Variants in SLC12A1 observed in about 807,000 individuals in gnomAD.
SLC12A1 encodes solute carrier family 12 member 1, also known as Na-K-2Cl cotransporter.
SLC12A1 carries 89 observed loss-of-function variants against 130.4 expected under a neutral mutation model. The observed-to-expected ratio is 0.68, with a 90% CI of 0.58 to 0.81. The LOEUF (loss-of-function observed/expected upper bound fraction) is 0.81. SLC12A1 is among the 40% of genes least tolerant of loss of function. The pLI is 0.00. For missense variants in SLC12A1, 1,310 were observed against 1,336.4 expected (o/e 0.98, Z 0.31); for synonymous variants, 499 against 460.0 (o/e 1.08, Z -1.09).
chr15:48,296,048 G>T (rs2042174759), intron 24 of SLC12A1, among the ~76,000 whole-genome samples: 1 of 152,178 alleles, frequency 6.6e-6, no homozygotes. Flanking sequence ...TGCAGCCCCA[G>T]ACCCAGGGGC....
At chr15:48,264,002 T>C (rs2041804419) in intron 17 of SLC12A1, among the ~76,000 whole-genome samples, 1 of 152,164 alleles carries the variant, frequency 6.6e-6, no homozygotes, top group Non-Finnish European at 1.5e-5. Flanking sequence ...CACTCACTTT[T>C]TAAATGAAAT....
At chr15:48,263,205 T>G (rs912917668) in intron 17 of SLC12A1, among the ~76,000 whole-genome samples, 1 of 152,162 alleles carries the variant, frequency 6.6e-6, no homozygotes, top group East Asian at 1.9e-4. Context: ...TAAACAGATA[T>G]ACATTTAAGG....
intron 5 of SLC12A1, chr15:48,227,092 C>G (rs1440465886): frequency 3.2e-6 from 5 of 1,551,924 alleles, no homozygotes; most frequent in African/African-American, 1.4e-5. Flanking sequence ...TTGGAGTCAT[C>G]ATCATTGGCC....
At chr15:48,257,750 C>CCT (rs1170374812) in intron 16 of SLC12A1, among the ~76,000 whole-genome samples, 1 of 152,308 alleles carries the variant, frequency 6.6e-6, no homozygotes, top group East Asian at 1.9e-4. Context: ...CCCTCCTGGG[C>CCT]CTCCAGGCCT....
rs370908136 is a variant in SLC12A1 at position 48,269,704 on chromosome 15, A to G, written c.2342A>G (p.Tyr781Cys). The change falls in exon 19 of 27, where the codon TAT becomes TGT. Residue 781 changes from tyrosine to cysteine, a missense_variant. By Grantham distance (194) the Tyr-to-Cys change is radical. Coordinates refer to ENST00000380993, the MANE Select transcript of SLC12A1 (RefSeq NM_000338.3). ...AAACCAAACACTCTGGTGATTGGAT[A>G]TAAGAAAAACTGGAGGAAAGCTCCC... Reference protein sequence around the residue: ...RMKPNTLVIGYKKNWRKAPLT... With the variant: ...RMKPNTLVIGCKKNWRKAPLT... The G allele has an allele frequency of 1.3e-4, 203 of 1,612,214 alleles. No individual in the cohort carries two copies. Among genetic ancestry groups the G allele is most frequent in the Non-Finnish European group, 1.7e-4 (195 of 1,178,658 alleles).
Position 48,299,280 on chromosome 15 carries a change from G to A in SLC12A1, c.3096+5G>A, listed in dbSNP as rs1208751177. 6.4e-7 allele frequency: 1 copy of A among 1,570,690 alleles called. No individual in the cohort carries two copies. Among genetic ancestry groups the A allele is most frequent in the Non-Finnish European group, 8.6e-7 (1 of 1,165,470 alleles). Reference sequence around the variant, plus strand: ...CTGGAAGCAGTCAAGGAAAAGGTAAGGATTTGTCTTTCTTAATTTTTTTGC... The same window carrying A: ...CTGGAAGCAGTCAAGGAAAAGGTAAAGATTTGTCTTTCTTAATTTTTTTGC... On this transcript the variant is annotated splice_donor_5th_base_variant and intron_variant, in intron 25 of 26. Transcript: ENST00000380993.
At chr15:48,296,042 G>A (rs2042174677) in intron 24 of SLC12A1, among the ~76,000 whole-genome samples, 1 of 152,186 alleles carries the variant, frequency 6.6e-6, no homozygotes, top group South Asian at 2.1e-4. Flanking sequence ...GGCTGATGCA[G>A]CCCCAGACCC....
At chr15:48,246,832 T>C (rs2041587545) in intron 11 of SLC12A1, 77 bp from the exon 12 acceptor site, 1 of 921,766 alleles carries the variant, frequency 1.1e-6, no homozygotes, top group African/African-American at 1.6e-5. Context: ...GGGGAAAAAA[T>C]GTAGTTGAAA....
At chr15:48,243,282 C>T (rs1031617661) in intron 10 of SLC12A1, among the ~76,000 whole-genome samples, 4 of 152,034 alleles carry the variant, frequency 2.6e-5, no homozygotes, top group Non-Finnish European at 4.4e-5. Flanking sequence ...AGCATTCAAG[C>T]AGAGGCTGGC....
At chr15:48,299,036 T>C (rs1284410475) in intron 24 of SLC12A1, 104 bp from the exon 25 acceptor site, 30 of 964,470 alleles carry the variant, frequency 3.1e-5, no homozygotes, top group Non-Finnish European at 4.4e-5. Context: ...TGCATGATAT[T>C]CAGCTCTGAT....
In SLC12A1 at chr15:48,274,595, C is replaced by A. The variant is rs201256087; in HGVS notation, c.2427C>A (p.Gly809=). ...IIHDAFDFEI[G]VVIVRISQGF... is the part of the protein sequence containing the mutation. ...GTGATGCATTTGATTTTGAGATTGG[C>A]GTGGTTATAGTCAGAATCAGCCAAG... The change falls in exon 20 of 27, where the codon GGC becomes GGA. Residue 809 remains glycine (G), a synonymous_variant. Coordinates refer to ENST00000380993, the MANE Select transcript of SLC12A1 (RefSeq NM_000338.3). 1.2e-6 allele frequency: 2 copies of A among 1,612,722 alleles called. No individual in the cohort carries two copies. Among genetic ancestry groups the A allele is most frequent in the African/African-American group, 1.3e-5 (1 of 75,028 alleles).
chr15:48,232,462 T>A (rs113214098), intron 7 of SLC12A1, among the ~76,000 whole-genome samples: 1 of 152,212 alleles, frequency 6.6e-6, no homozygotes, highest in African/African-American at 2.4e-5. Context: ...AAGTTACCCA[T>A]CTGCTACTTA....
At chr15:48,221,195 C>T in intron 4 of SLC12A1, 199 bp downstream of exon 4, 1 of 654,266 alleles carries the variant, frequency 1.5e-6, no homozygotes, top group South Asian at 1.8e-5. Context: ...TGGAATTTTC[C>T]AGCTTGCCAA....
chr15:48,237,137 A>G, intron 9 of SLC12A1: 1 of 650,400 alleles, frequency 1.5e-6, no homozygotes, highest in South Asian at 1.7e-5. Context: ...CTCAAAAAGT[A>G]AAGGAAGACT....
intron 24 of SLC12A1, among the ~76,000 whole-genome samples, chr15:48,296,527 AT>A (rs1241381237): frequency 1.3e-5 from 2 of 152,218 alleles, no homozygotes; most frequent in Non-Finnish European, 2.9e-5. Context: ...TAAGTAGGTA[AT>A]TTAGTTTAAA....
intron 21 of SLC12A1, among the ~76,000 whole-genome samples, chr15:48,285,550 A>G (rs1219301545): frequency 9.9e-5 from 15 of 152,222 alleles, no homozygotes; most frequent in Admixed American, 9.8e-4. Context: ...CTCAGTTAAG[A>G]TGGAAAGGGG....
intron 13 of SLC12A1, 104 bp from the exon 14 acceptor site, chr15:48,249,471 A>G: frequency 4.6e-6 from 4 of 874,706 alleles, no homozygotes; most frequent in Non-Finnish European, 7.7e-6. Context: ...GATGCTCGCT[A>G]TGTTTTCAAT....
In SLC12A1 at chr15:48,247,390, T is replaced by A. The variant is rs6493311; in HGVS notation, c.1614T>A (p.Tyr538Ter). Residue 538 changes from tyrosine to a stop codon, truncating the protein, a stop_gained, in exon 13 of 27, where the codon TAT becomes TAA. Coordinates refer to ENST00000380993, the MANE Select transcript of SLC12A1 (RefSeq NM_000338.3). LOFTEE classifies it high-confidence loss of function. ...CCCTGCAGTTTTTTGCAAAGGGATATGGGAAAAACAATGAACCCCTGAGAG... is the reference window on the plus strand; with the variant it reads ...CCCTGCAGTTTTTTGCAAAGGGATAAGGGAAAAACAATGAACCCCTGAGAG... ...YKALQFFAKGYGKNNEPLRGY... is the reference protein window; with the variant it reads ...YKALQFFAKG The A allele has an allele frequency of 6.2e-6, 10 of 1,612,188 alleles. No individual in the cohort carries two copies. Among genetic ancestry groups the A allele is most frequent in the Non-Finnish European group, 7.6e-6 (9 of 1,178,596 alleles).
chr15:48,249,235 A>G (rs1392218518), intron 13 of SLC12A1, among the ~76,000 whole-genome samples: 1 of 151,998 alleles, frequency 6.6e-6, no homozygotes, highest in Non-Finnish European at 1.5e-5. Context: ...TATTGCATAC[A>G]TAACAGTTAT....
Sources: gnomAD v4.1 joint callset for allele counts (sites outside exome capture counted in the v4.1 genomes callset) on GRCh38, gnomAD v4.1.1 for gene constraint, MANE v1.5 for transcripts, NCBI Gene and HGNC (gene_info 2026-07-23, HGNC 2026-07-21) for gene names.